USP37: variants seen among roughly 807,000 people sequenced by gnomAD.
The protein encoded by USP37 is ubiquitin carboxyl-terminal hydrolase 37.
Under a neutral mutation model 124.0 loss-of-function variants are expected in USP37, and 27 were observed. That is an observed-to-expected ratio of 0.22 (90% CI 0.16 to 0.30). The LOEUF is 0.30. USP37 is among the 10% of genes least tolerant of loss of function. The pLI, the probability that USP37 is intolerant of heterozygous loss-of-function variation, is 1.00. For synonymous variants in USP37, 365 were observed against 388.0 expected, an observed-to-expected ratio of 0.94 and a Z score of 0.70; for missense variants, 889 against 1,140.4, an observed-to-expected ratio of 0.78 and a Z score of 3.17.
chr2:218,510,884 A>G (rs1689947435), intron 10 of USP37, among the ~76,000 whole-genome samples: 1 of 152,036 alleles, frequency 6.6e-6, no homozygotes, highest in Non-Finnish European at 1.5e-5. Flanking sequence ...AGTCACAGCT[A>G]CTTGGGAGGC....
At chr2:218,458,540 A>G (rs1689832953) in intron 23 of USP37, among the ~76,000 whole-genome samples, 1 of 151,982 alleles carries the variant, frequency 6.6e-6, no homozygotes, top group Non-Finnish European at 1.5e-5. Context: ...GTGTCACTGC[A>G]CTCCAGCCTG....
intron 9 of USP37, 141 bp from the exon 10 acceptor site, chr2:218,530,181 G>T: frequency 3.1e-6 from 2 of 642,560 alleles, no homozygotes; most frequent in Non-Finnish European, 5.2e-6. Context: ...TCATTTTATT[G>T]CTCTTTGCTT....
intron 8 of USP37, among the ~76,000 whole-genome samples, chr2:218,539,448 C>T (rs2106034882): frequency 6.6e-6 from 1 of 152,252 alleles, no homozygotes; most frequent in South Asian, 2.1e-4. Context: ...GGCACAGTGG[C>T]TCACACCCGT....
chr2:218,502,970 T>C (rs1689464741), intron 11 of USP37, among the ~76,000 whole-genome samples: 1 of 152,126 alleles, frequency 6.6e-6, no homozygotes, highest in African/African-American at 2.4e-5. Context: ...TCAGAAATTA[T>C]ACAAAAAAGA....
intron 3 of USP37, among the ~76,000 whole-genome samples, chr2:218,560,389 G>GT (rs1693245724): frequency 6.6e-6 from 1 of 152,088 alleles, no homozygotes; most frequent in Non-Finnish European, 1.5e-5. Flanking sequence ...TTAACCATAA[G>GT]TTTTCTCAAC....
chr2:218,549,924 T>C lies in USP37; in HGVS notation c.329-15A>G. 1 of 1,572,318 alleles carries C rather than the reference T, an allele frequency of 6.4e-7. No individual in the cohort carries two copies. Among genetic ancestry groups the C allele is most frequent in the Non-Finnish European group, 8.6e-7 (1 of 1,163,246 alleles). Reference sequence around the variant, plus strand: ...CGGTTTCATGGCTGGTGACCAAAAATATAATTTTTTTTAAAATCCCCAAAT... The same window carrying C: ...CGGTTTCATGGCTGGTGACCAAAAACATAATTTTTTTTAAAATCCCCAAAT... On this transcript the variant is annotated splice_polypyrimidine_tract_variant and intron_variant, in intron 5 of 25. Transcript: ENST00000258399.
intron 11 of USP37, among the ~76,000 whole-genome samples, chr2:218,506,631 T>C (rs1314232123): frequency 5.9e-5 from 9 of 151,646 alleles, no homozygotes; most frequent in South Asian, 2.1e-4. Flanking sequence ...CATCTTTTTT[T>C]CCCTGGCTTT....
intron 10 of USP37, among the ~76,000 whole-genome samples, chr2:218,513,772 A>C (rs1377173606): frequency 1.3e-5 from 2 of 152,180 alleles, no homozygotes; most frequent in Non-Finnish European, 1.5e-5. Flanking sequence ...CATTGTATGA[A>C]TATACCACAA....
chr2:218,556,501 CTG>C (rs1692981743), intron 4 of USP37, among the ~76,000 whole-genome samples: 1 of 40,536 alleles, frequency 2.5e-5, no homozygotes. Context: ...CTGGGTTTTT[CTG>C]TTTTTTTTTT....
intron 14 of USP37, among the ~76,000 whole-genome samples, chr2:218,492,919 T>C (rs1429324609): frequency 1.3e-5 from 2 of 152,072 alleles, no homozygotes; most frequent in African/African-American, 2.4e-5. Context: ...GTGGGAAGGA[T>C]TGCTTAAGTT....
chr2:218,452,207 T>C lies in USP37; in HGVS notation c.*2723A>G, dbSNP rs1282941643. ...TCCAATTCAATGTCATTTAAAGTAA[T>C]GTAACCACACATTTGGTATTTTCAA... On this transcript the variant is annotated 3_prime_UTR_variant, in exon 26 of 26. Coordinates refer to ENST00000258399, the MANE Select transcript of USP37 (RefSeq NM_020935.3). The C allele has an allele frequency of 2.0e-5, 3 of 152,130 alleles. No homozygotes were observed. Among genetic ancestry groups the C allele is most frequent in the Non-Finnish European group, 4.4e-5 (3 of 68,020 alleles). 9.4% of individuals were successfully genotyped at this position (152,130 alleles called of 1,614,324 possible). A position where few individuals can be genotyped will look rare whatever the true frequency, so the allele number is the denominator to read the frequency against.
chr2:218,458,265 A>AC (rs1183797527), intron 23 of USP37, among the ~76,000 whole-genome samples: 11 of 145,174 alleles, frequency 7.6e-5, no homozygotes, highest in African/African-American at 2.5e-4. Flanking sequence ...AAAAAAAAAA[A>AC]AAAAAAAAAA....
Position 218,510,096 on chromosome 2 carries a change from C to A in USP37, c.908G>T (p.Gly303Val). ...AAGAGGAACTGGCTGAGGAAGAAAT[C>A]CCAAACTTCTTTTGGCAGAGGGAGT... The part of the protein sequence containing the change: ...SQTPSAKRSL[G>V]FLPQPVPLSV... The change falls in exon 11 of 26, where the codon GGA becomes GTA. Residue 303 changes from glycine (G) to valine (V), a missense_variant. Coordinates refer to ENST00000258399, the MANE Select transcript of USP37 (RefSeq NM_020935.3). 2.5e-6 allele frequency: 4 copies of A among 1,612,674 alleles called. No individual in the cohort carries two copies. In the Middle Eastern group the frequency reaches 6.6e-4, roughly 266 times the overall value.
rs746664664 is a variant in USP37, at chr2:218,476,974, T to C, written c.1909A>G (p.Thr637Ala). Reference sequence around the variant, plus strand: ...GCCAAGGAGCTCTTGGATTTGAAGGTGAATTTCCTGTAATTTAAGGAAAAA... The same window carrying C: ...GCCAAGGAGCTCTTGGATTTGAAGGCGAATTTCCTGTAATTTAAGGAAAAA... Reference protein sequence around the residue: ...TSPSTPSKKFTFKSKSSLALC... With the variant: ...TSPSTPSKKFAFKSKSSLALC... The change falls in exon 19 of 26, where the codon ACC becomes GCC. Residue 637 changes from threonine (T) to alanine (A), a missense_variant. By Grantham distance (58) the Thr-to-Ala change is moderately conservative. This residue lies in a region of USP37 where 504 missense variants were observed against 714.3 expected (regional missense o/e 0.71). Transcript: ENST00000258399. 10 of 1,491,182 alleles carry C rather than the reference T, an allele frequency of 6.7e-6. No homozygotes were observed. The South Asian group carries it at 1.4e-4, about 21-fold the overall frequency. 92.4% of individuals were successfully genotyped at this position (1,491,182 alleles called of 1,614,324 possible). A position where few individuals can be genotyped will look rare whatever the true frequency, so the allele number is the denominator to read the frequency against.
intron 10 of USP37, among the ~76,000 whole-genome samples, chr2:218,520,502 A>G (rs1252043114): frequency 6.6e-6 from 1 of 151,980 alleles, no homozygotes; most frequent in African/African-American, 2.4e-5. Context: ...GGCATACGCC[A>G]CCACGCCCAG....
chr2:218,459,585 GTTTT>G (rs200792260), intron 23 of USP37, among the ~76,000 whole-genome samples: 1 of 150,210 alleles, frequency 6.7e-6, no homozygotes, highest in Middle Eastern at 3.2e-3. Flanking sequence ...ATGTATTCCT[GTTTT>G]TTTTGTTTGT....
At position 218,498,180 on chromosome 2, in the gene USP37, T is replaced by G. The variant is rs201089560; in HGVS notation, c.1026-23A>C. ...AAGCTGAAAATTAAAGAAATAGTGCTTTAGAAGGCAACAGGAATTCCTAAA... is the reference window on the plus strand; with the variant it reads ...AAGCTGAAAATTAAAGAAATAGTGCGTTAGAAGGCAACAGGAATTCCTAAA... On this transcript the variant is annotated intron_variant, in intron 11 of 25. Transcript: ENST00000258399. The G allele has an allele frequency of 5.7e-6, 9 of 1,566,168 alleles. No individual in the cohort carries two copies. The Admixed American group carries it at 1.8e-4, about 31-fold the overall frequency.
At chr2:218,488,643 T>A (rs1691729619) in intron 14 of USP37, among the ~76,000 whole-genome samples, 1 of 152,010 alleles carries the variant, frequency 6.6e-6, no homozygotes, top group Non-Finnish European at 1.5e-5. Context: ...TACTTAAATC[T>A]TTTTTTTGTG....
chr2:218,455,104 A>G, intron 25 of USP37, 87 bp from the exon 26 acceptor site: 1 of 1,504,908 alleles, frequency 6.6e-7, no homozygotes, highest in Non-Finnish European at 9.1e-7. Flanking sequence ...AATAAAATTG[A>G]TATGGATAAG....
Sources: allele counts gnomAD v4.1 joint callset (sites outside exome capture counted in the v4.1 genomes callset), GRCh38; gene constraint gnomAD v4.1.1; regional missense constraint gnomAD v4.1.1; transcripts MANE v1.5; gene names NCBI Gene and HGNC (gene_info 2026-07-23, HGNC 2026-07-21).